SEC24D: variants seen among roughly 807,000 people sequenced by gnomAD.
SEC24D encodes the protein SEC24 homolog D, COPII component.
A neutral mutation model predicts 116.9 loss-of-function variants in SEC24D; 69 were observed. That is an observed-to-expected ratio of 0.59 (90% CI 0.49 to 0.72). SEC24D has a LOEUF of 0.72. Among genes scored for constraint, SEC24D ranks in the 30% least tolerant of loss-of-function variants. The probability of loss-of-function intolerance (pLI) is 0.00; values close to 1 mark genes in which losing one functional copy is unlikely to be tolerated. For missense variants in SEC24D, 1,131 were observed against 1,264.1 expected, an observed-to-expected ratio of 0.89 and a Z score of 1.60; for synonymous variants, 405 against 442.8, an observed-to-expected ratio of 0.91 and a Z score of 1.07.
chr4:118,759,066 T>C (rs1305897176), intron 10 of SEC24D, among the ~76,000 whole-genome samples: 1 of 152,244 alleles, frequency 6.6e-6, no homozygotes, highest in Non-Finnish European at 1.5e-5. Context: ...ACCATTCTTT[T>C]AATCTCTTCT....
chr4:118,797,694 G>C lies in SEC24D; in HGVS notation c.1030C>G (p.Pro344Ala). 6.2e-7 allele frequency: 1 copy of C among 1,602,744 alleles called. No individual in the cohort carries two copies. The highest frequency in any genetic ancestry group is 8.5e-7 in the Non-Finnish European group (1 of 1,173,214). ...TATATCATTCTTACCTCATTTGAAG[G>C]AATGGTGGCAAAGGGCTTGATGACA... ...AAVIKPFATI[P>A]SNESPLYLVN... The change falls in exon 8 of 23, where the codon CCT becomes GCT. Residue 344 changes from proline (P) to alanine (A), a missense_variant. Physicochemically the swap from Pro to Ala is conservative, Grantham distance 27 (BLOSUM62 -1). Transcript: ENST00000280551.
chr4:118,787,026 T>A (rs1322662986), intron 8 of SEC24D, among the ~76,000 whole-genome samples: 4 of 152,088 alleles, frequency 2.6e-5, no homozygotes, highest in African/African-American at 9.7e-5. Context: ...AAATGATCTT[T>A]GCCCTGACAA....
chr4:118,796,290 C>G (rs563019283), intron 8 of SEC24D, among the ~76,000 whole-genome samples: 1 of 152,302 alleles, frequency 6.6e-6, no homozygotes, highest in East Asian at 1.9e-4. Flanking sequence ...TCTGTCAATA[C>G]ATATTGGTCT....
At chr4:118,724,670 C>A (rs1725318544) in intron 22 of SEC24D, among the ~76,000 whole-genome samples, 2 of 152,108 alleles carry the variant, frequency 1.3e-5, no homozygotes, top group African/African-American at 4.8e-5. Flanking sequence ...AGGGAAGAAG[C>A]CCAGAAGAGA....
intron 15 of SEC24D, among the ~76,000 whole-genome samples, chr4:118,743,339 G>A (rs1243671753): frequency 2.2e-5 from 3 of 134,988 alleles, no homozygotes; most frequent in Non-Finnish European, 3.2e-5. Context: ...AATATATATG[G>A]TTCCTATATA....
At chr4:118,775,307 G>A (rs1034751079) in intron 8 of SEC24D, among the ~76,000 whole-genome samples, 1 of 141,076 alleles carries the variant, frequency 7.1e-6, no homozygotes, top group Non-Finnish European at 1.5e-5. Flanking sequence ...ACAAATATAC[G>A]CTCAGGATAA....
At chr4:118,774,166 T>C (rs754978783) in intron 8 of SEC24D, among the ~76,000 whole-genome samples, 24 of 152,068 alleles carry the variant, frequency 1.6e-4, no homozygotes, top group Non-Finnish European at 4.4e-5. Context: ...CTTAGTTTGT[T>C]AGTGACACTT....
At position 118,723,401 on chromosome 4, in the gene SEC24D, T is replaced by G. The variant is rs1354146658; in HGVS notation, c.*114A>C. ...CTAAATGCCATCTCTTCCTGGAAAG[T>G]TATTCTGAAAATGAGCAAGAAATCA... On this transcript the variant is annotated 3_prime_UTR_variant, in exon 23 of 23. Coordinates refer to ENST00000280551, the MANE Select transcript of SEC24D (RefSeq NM_014822.4). 8.9e-7 allele frequency: 1 copy of G among 1,120,828 alleles called. No homozygotes were observed. The highest frequency in any genetic ancestry group is 1.6e-5 in the African/African-American group (1 of 63,918). The allele number at this position is 1,120,828 out of a possible 1,614,324, so 69.4% of individuals were successfully genotyped here. A position where few individuals can be genotyped will look rare whatever the true frequency, so the allele number is the denominator to read the frequency against.
At chr4:118,801,195 G>C (rs1039976669) in intron 7 of SEC24D, among the ~76,000 whole-genome samples, 1 of 151,636 alleles carries the variant, frequency 6.6e-6, no homozygotes, top group Non-Finnish European at 1.5e-5. Context: ...CTGGGAGGCG[G>C]AGCTTGCAGT....
intron 2 of SEC24D, among the ~76,000 whole-genome samples, chr4:118,831,560 T>C (rs1730859593): frequency 6.6e-6 from 1 of 152,010 alleles, no homozygotes; most frequent in South Asian, 2.1e-4. Context: ...CAGCTTTGAA[T>C]ATGGCCCAAC....
At chr4:118,726,349 CAGG>C (rs1267045716) in intron 22 of SEC24D, among the ~76,000 whole-genome samples, 1 of 152,096 alleles carries the variant, frequency 6.6e-6, no homozygotes, top group Admixed American at 6.5e-5. Flanking sequence ...TGAAAGCTGA[CAGG>C]AGAGAATTTG....
At chr4:118,820,305 C>T (rs561927817) in intron 3 of SEC24D, among the ~76,000 whole-genome samples, 1 of 151,668 alleles carries the variant, frequency 6.6e-6, no homozygotes, top group Non-Finnish European at 1.5e-5. Flanking sequence ...CTCAGCCTTC[C>T]GAGTAGCTGG....
At chr4:118,776,075 A>G (rs1291746927) in intron 8 of SEC24D, among the ~76,000 whole-genome samples, 2 of 147,614 alleles carry the variant, frequency 1.4e-5, no homozygotes, top group Non-Finnish European at 3.0e-5. Context: ...AGGAAGAGAG[A>G]TAGGGAAGGA....
chr4:118,733,630 TA>T (rs1725813375), intron 19 of SEC24D, among the ~76,000 whole-genome samples: 1 of 152,126 alleles, frequency 6.6e-6, no homozygotes, highest in South Asian at 2.1e-4. Context: ...ACATAAAACA[TA>T]ATAAAGAGAT....
chr4:118,730,196 A>G (rs1256563892), intron 21 of SEC24D: 1 of 152,248 alleles, frequency 6.6e-6, no homozygotes, highest in African/African-American at 2.4e-5. Flanking sequence ...TAACTTTTAT[A>G]TAAACATTCT....
intron 3 of SEC24D, among the ~76,000 whole-genome samples, chr4:118,823,308 A>G (rs1228466066): frequency 6.6e-6 from 1 of 152,212 alleles, no homozygotes; most frequent in African/African-American, 2.4e-5. Context: ...TTATCATGAC[A>G]AACAAGAGCC....
chr4:118,724,783 T>C (rs1014786907), intron 22 of SEC24D, among the ~76,000 whole-genome samples: 1 of 152,200 alleles, frequency 6.6e-6, no homozygotes, highest in Non-Finnish European at 1.5e-5. Flanking sequence ...TCATATTTAT[T>C]GCGCCACAAG....
intron 8 of SEC24D, among the ~76,000 whole-genome samples, chr4:118,769,217 G>A (rs1388260847): frequency 6.6e-6 from 1 of 152,136 alleles, no homozygotes; most frequent in East Asian, 1.9e-4. Flanking sequence ...CAGTGTAGCT[G>A]GCCATGCTTT....
chr4:118,724,660 A>C (rs925776831), intron 22 of SEC24D, among the ~76,000 whole-genome samples: 1 of 152,220 alleles, frequency 6.6e-6, no homozygotes, highest in East Asian at 1.9e-4. Flanking sequence ...AGAAACCCAC[A>C]GGGAAGAAGC....
Sources: gnomAD v4.1 joint callset for allele counts (sites outside exome capture counted in the v4.1 genomes callset) on GRCh38, gnomAD v4.1.1 for gene constraint, MANE v1.5 for transcripts, NCBI Gene and HGNC (gene_info 2026-07-23, HGNC 2026-07-21) for gene names.